The following KCNA4 variants were observed in gnomAD, a reference collection of about 807,000 sequenced individuals.
KCNA4 encodes cardiac potassium channel.
A neutral mutation model predicts 37.2 loss-of-function variants in KCNA4; 5 were observed. The ratio of observed to expected loss-of-function variants is 0.13; its 90% CI spans 0.07 to 0.28. The LOEUF (loss-of-function observed/expected upper bound fraction) is 0.28. Ranked by LOEUF, KCNA4 falls within the 10% of genes least tolerant of loss-of-function variation. The pLI, the probability that KCNA4 is intolerant of heterozygous loss-of-function variation, is 1.00. For missense variants in KCNA4, 634 were observed against 817.4 expected, an observed-to-expected ratio of 0.78 and a Z score of 2.74; for synonymous variants, 350 against 311.8, an observed-to-expected ratio of 1.12 and a Z score of -1.29.
Position 30,011,317 on chromosome 11 carries a change from G to T in KCNA4, c.1362C>A (p.Ile454=). 6.2e-7 allele frequency: 1 copy of T among 1,614,158 alleles called. No individual in the cohort carries two copies. The highest frequency in any genetic ancestry group is 1.7e-5 in the Admixed American group (1 of 60,022). ...RIIRLVRVFR[I]FKLSRHSKGL... is the part of the protein sequence containing the mutation. ...CTTTGGAGTGCCTGGAGAGTTTGAA[G>T]ATCCGGAATACTCGGACCAGACGAA... The change falls in exon 2 of 2, where the codon ATC becomes ATA. Residue 454 remains isoleucine, a synonymous_variant. Coordinates refer to ENST00000328224, the MANE Select transcript of KCNA4 (RefSeq NM_002233.4). The surrounding 1 kb of genome is among the most constrained non-coding windows in gnomAD (Gnocchi z 5.6).
Position 30,011,440 on chromosome 11 carries a change from C to G in KCNA4, c.1239G>C (p.Leu413Phe). 1 of 1,614,034 alleles carries G rather than the reference C, an allele frequency of 6.2e-7. No homozygotes were observed. Among genetic ancestry groups the G allele is most frequent in the Non-Finnish European group, 8.5e-7 (1 of 1,179,992 alleles). The change falls in exon 2 of 2, where the codon TTG becomes TTC. Residue 413 changes from leucine to phenylalanine, a missense_variant. By Grantham distance (22) the Leu-to-Phe change is conservative. This residue lies in a region of KCNA4 where 252 missense variants were observed against 344.2 expected (regional missense o/e 0.73). Coordinates refer to ENST00000328224, the MANE Select transcript of KCNA4 (RefSeq NM_002233.4). The surrounding 1 kb of genome is among the most constrained non-coding windows in gnomAD (Gnocchi z 5.6). The stretch of plus-strand genomic sequence containing the variant: ...CAGTGCCCAGTGTGATGAAGTAAGG[C>G]AAAATGGAGACAATGTCAATGATGT... Reference protein sequence around the residue: ...IMNIIDIVSILPYFITLGTDL... With the variant: ...IMNIIDIVSIFPYFITLGTDL...
At position 30,012,571 on chromosome 11, in the gene KCNA4, G is replaced by A; in HGVS notation, c.108C>T (p.Ser36=). The A allele has an allele frequency of 6.2e-7, 1 of 1,607,334 alleles. No individual in the cohort carries two copies. The highest frequency in any genetic ancestry group is 8.5e-7 in the Non-Finnish European group (1 of 1,179,890). ...CAACAGCAGCTGCTGCAGCTGCCCT[G>A]GAGTGAGCAAGCCTCTCCCGCTCCC... ...RARERERLAH[S]RAAAAAAVAA... is the part of the protein sequence containing the mutation. Residue 36 remains serine (S), a synonymous_variant, in exon 2 of 2, where the codon TCC becomes TCT. Coordinates refer to ENST00000328224, the MANE Select transcript of KCNA4 (RefSeq NM_002233.4).
In KCNA4 at chr11:30,012,589, C is replaced by T. The variant is rs1850317334; in HGVS notation, c.90G>A (p.Arg30=). The T allele has an allele frequency of 1.9e-6, 3 of 1,607,936 alleles. No individual in the cohort carries two copies. In the African/African-American group the frequency reaches 4.0e-5, roughly 21 times the overall value. The change falls in exon 2 of 2, where the codon CGG becomes CGA. Residue 30 remains arginine, a synonymous_variant. Transcript: ENST00000328224. ...GYAAQARARE[R]ERLAHSRAAA... ...CTGCCCTGGAGTGAGCAAGCCTCTC[C>T]CGCTCCCGGGCCCGGGCCTGGGCAG...
At chr11:30,015,705 C>A (rs1445346173) in intron 1 of KCNA4, among the ~76,000 whole-genome samples, 1 of 152,114 alleles carries the variant, frequency 6.6e-6, no homozygotes, top group Non-Finnish European at 1.5e-5. Context: ...TTCCTCCCAG[C>A]AAATCAGACT....
In KCNA4 at chr11:30,012,348, T is replaced by C; in HGVS notation, c.331A>G (p.Ser111Gly). 6.2e-7 allele frequency: 1 copy of C among 1,614,146 alleles called. No individual in the cohort carries two copies. The highest frequency in any genetic ancestry group is 8.5e-7 in the Non-Finnish European group (1 of 1,180,016). The change falls in exon 2 of 2, where the codon AGT becomes GGT. Residue 111 changes from serine to glycine, a missense_variant. Coordinates refer to ENST00000328224, the MANE Select transcript of KCNA4 (RefSeq NM_002233.4). ...CTCAGGATCTTCTCCTCAGAGCCAC[T>C]GGGCATCAGGTCAGAGCAATGAGGG... ...SFPHCSDLMP[S>G]GSEEKILREL... is the part of the protein sequence containing the mutation.
Position 30,011,045 on chromosome 11 carries a change from G to A in KCNA4, c.1634C>T (p.Ala545Val), listed in dbSNP as rs1453579867. ...VGGKIVGSLCAIAGVLTIALP... is the reference protein window; with the variant it reads ...VGGKIVGSLCVIAGVLTIALP... ...AGCAATGGTTAAGACACCCGCAATG[G>A]CACACAGGGACCCGACAATCTTGCC... The change falls in exon 2 of 2, where the codon GCC becomes GTC. Residue 545 changes from alanine to valine, a missense_variant. Physicochemically the swap from Ala to Val is moderately conservative, Grantham distance 64. Transcript: ENST00000328224. The surrounding 1 kb of genome is among the most constrained non-coding windows in gnomAD (Gnocchi z 5.6). The A allele has an allele frequency of 6.2e-7, 1 of 1,614,164 alleles. No individual in the cohort carries two copies. Among genetic ancestry groups the A allele is most frequent in the Non-Finnish European group, 8.5e-7 (1 of 1,180,026 alleles).
chr11:30,012,116 T>A lies in KCNA4; in HGVS notation c.563A>T (p.Glu188Val). The change falls in exon 2 of 2, where the codon GAG (glutamate) becomes GTG (valine). Residue 188 changes from glutamate to valine, a missense_variant. Physicochemically the swap from Glu to Val is moderately radical, Grantham distance 121. This residue lies in a region of KCNA4 where 252 missense variants were observed against 344.2 expected (regional missense o/e 0.73). Transcript: ENST00000328224. ...VVINVSGLRF[E>V]TQMKTLAQFP... Reference sequence around the variant, plus strand: ...CTGGGCCAGAGTTTTCATTTGGGTCTCAAAGCGTAGGCCTGACACATTTAT... The same window carrying A: ...CTGGGCCAGAGTTTTCATTTGGGTCACAAAGCGTAGGCCTGACACATTTAT... 1 of 1,614,174 alleles carries A rather than the reference T, an allele frequency of 6.2e-7. No individual in the cohort carries two copies. The highest frequency in any genetic ancestry group is 8.5e-7 in the Non-Finnish European group (1 of 1,180,034).
rs1183551288 is a variant in KCNA4, at chr11:30,012,968, C to A, written c.-290G>T. The A allele has an allele frequency of 3.2e-6, 1 of 314,540 alleles. No homozygotes were observed. The highest frequency in any genetic ancestry group is 6.1e-6 in the Non-Finnish European group (1 of 165,254). The allele number at this position is 314,540 out of a possible 1,614,324, so 19.5% of individuals were successfully genotyped here. On this transcript the variant is annotated 5_prime_UTR_variant, in exon 2 of 2. Coordinates refer to ENST00000328224, the MANE Select transcript of KCNA4 (RefSeq NM_002233.4). Reference sequence around the variant, plus strand: ...CGAAAATGCTGGAGTCTCTCAGACACCTATGTTTTGGGGGTAGATGTTGAA... The same window carrying A: ...CGAAAATGCTGGAGTCTCTCAGACAACTATGTTTTGGGGGTAGATGTTGAA...
At position 30,010,118 on chromosome 11, in the gene KCNA4, C is replaced by T. The variant is rs1216315641; in HGVS notation, c.*599G>A. On this transcript the variant is annotated 3_prime_UTR_variant, in exon 2 of 2. Coordinates refer to ENST00000328224, the MANE Select transcript of KCNA4 (RefSeq NM_002233.4). The stretch of plus-strand genomic sequence containing the variant: ...AATCAATTTCTAAAGGCCCTTGCAG[C>T]CTTTTTAAAAGTTAATTTCCAGTTA... 1 of 152,118 alleles carries T rather than the reference C, an allele frequency of 6.6e-6. No homozygotes were observed. Among genetic ancestry groups the T allele is most frequent in the Non-Finnish European group, 1.5e-5 (1 of 68,032 alleles). 9.4% of individuals were successfully genotyped at this position (152,118 alleles called of 1,614,324 possible). A position where few individuals can be genotyped will look rare whatever the true frequency, so the allele number is the denominator to read the frequency against.
chr11:30,010,841 T>A lies in KCNA4; in HGVS notation c.1838A>T (p.Glu613Val). 3.7e-6 allele frequency: 6 copies of A among 1,614,192 alleles called. No individual in the cohort carries two copies. The highest frequency in any genetic ancestry group is 5.1e-6 in the Non-Finnish European group (6 of 1,180,026). The change falls in exon 2 of 2, where the codon GAG (glutamate) becomes GTG (valine). Residue 613 changes from glutamate to valine, a missense_variant. This residue lies in a region of KCNA4 where 91 missense variants were observed against 95.8 expected (regional missense o/e 0.95). Coordinates refer to ENST00000328224, the MANE Select transcript of KCNA4 (RefSeq NM_002233.4). ...AGATTCCTTAACTCCTTCTTCCATC[T>A]CTAGATACTCTGACTTGTCCCCCAG... Reference protein sequence around the residue: ...SSLGDKSEYLEMEEGVKESLC... With the variant: ...SSLGDKSEYLVMEEGVKESLC...
intron 1 of KCNA4, among the ~76,000 whole-genome samples, chr11:30,015,945 C>G (rs974084368): frequency 4.0e-5 from 6 of 151,878 alleles, no homozygotes; most frequent in Admixed American, 3.9e-4. Context: ...CAAGGCTGTT[C>G]GTCTCTCAGT....
chr11:30,011,580 A>T lies in KCNA4; in HGVS notation c.1099T>A (p.Phe367Ile). ...PHLENSGHTI[F>I]NDPFFIVETV... Reference sequence around the variant, plus strand: ...TCCACGATGAAGAAGGGGTCATTGAATATTGTGTGCCCTGAGTTCTCCAGA... The same window carrying T: ...TCCACGATGAAGAAGGGGTCATTGATTATTGTGTGCCCTGAGTTCTCCAGA... Residue 367 changes from phenylalanine (F) to isoleucine (I), a missense_variant, in exon 2 of 2, where the codon TTC (phenylalanine) becomes ATC (isoleucine). Transcript: ENST00000328224. This position sits in a 1 kb window ranked among gnomAD's most constrained non-coding sequence, Gnocchi z 5.6. 2 of 1,614,134 alleles carry T rather than the reference A, an allele frequency of 1.2e-6. No homozygotes were observed. Among genetic ancestry groups the T allele is most frequent in the Non-Finnish European group, 1.7e-6 (2 of 1,180,016 alleles).
chr11:30,011,673 T>C lies in KCNA4; in HGVS notation c.1006A>G (p.Arg336Gly). 6.2e-7 allele frequency: 1 copy of C among 1,614,168 alleles called. No homozygotes were observed. Among genetic ancestry groups the C allele is most frequent in the Non-Finnish European group, 8.5e-7 (1 of 1,180,040 alleles). ...LETLPEFRDD[R>G]DLVMALSAGG... ...GCACTCAGTGCCATGACGAGATCCC[T>C]GTCGTCCCTAAACTCAGGCAAGGTT... Residue 336 changes from arginine to glycine, a missense_variant, in exon 2 of 2, where the codon AGG becomes GGG. Transcript: ENST00000328224. The surrounding 1 kb of genome is among the most constrained non-coding windows in gnomAD (Gnocchi z 5.6).
rs765835735 is a variant in KCNA4 at position 30,011,585 on chromosome 11, G to C, written c.1094C>G (p.Thr365Arg). 14 of 1,613,948 alleles carry C rather than the reference G, an allele frequency of 8.7e-6. No homozygotes were observed. Among genetic ancestry groups the C allele is most frequent in the Non-Finnish European group, 1.2e-5 (14 of 1,180,004 alleles). Residue 365 changes from threonine (T) to arginine (R), a missense_variant, in exon 2 of 2, where the codon ACA becomes AGA. This residue lies in a region of KCNA4 where 252 missense variants were observed against 344.2 expected (regional missense o/e 0.73). Coordinates refer to ENST00000328224, the MANE Select transcript of KCNA4 (RefSeq NM_002233.4). This position sits in a 1 kb window ranked among gnomAD's most constrained non-coding sequence, Gnocchi z 5.6. ...GATGAAGAAGGGGTCATTGAATATT[G>C]TGTGCCCTGAGTTCTCCAGATGGGG... ...SAPHLENSGHTIFNDPFFIVE... is the reference protein window; with the variant it reads ...SAPHLENSGHRIFNDPFFIVE...
chr11:30,015,717 G>T (rs1343583243), intron 1 of KCNA4, among the ~76,000 whole-genome samples: 1 of 152,092 alleles, frequency 6.6e-6, no homozygotes, highest in South Asian at 2.1e-4. Flanking sequence ...AATCAGACTG[G>T]TTTAAAATCT....
chr11:30,015,709 T>C (rs1250013100), intron 1 of KCNA4, among the ~76,000 whole-genome samples: 2 of 152,014 alleles, frequency 1.3e-5, no homozygotes, highest in Non-Finnish European at 2.9e-5. Context: ...TCCCAGCAAA[T>C]CAGACTGGTT....
intron 1 of KCNA4, among the ~76,000 whole-genome samples, chr11:30,015,213 G>T (rs1419658676): frequency 1.3e-5 from 2 of 152,118 alleles, no homozygotes; most frequent in African/African-American, 4.8e-5. Flanking sequence ...TTACCCTCAA[G>T]GAGTTTCCAA....
Position 30,010,860 on chromosome 11 carries a change from C to T in KCNA4, c.1819G>A (p.Asp607Asn), listed in dbSNP as rs757024934. Residue 607 changes from aspartate to asparagine, a missense_variant, in exon 2 of 2, where the codon GAC becomes AAC. Around this residue, in one of 8 missense-constraint regions of KCNA4, gnomAD observed 91 missense variants for 95.8 expected, o/e 0.95. Transcript: ENST00000328224. Reference protein sequence around the residue: ...FRSSTSSSLGDKSEYLEMEEG... With the variant: ...FRSSTSSSLGNKSEYLEMEEG... Reference sequence around the variant, plus strand: ...TCCATCTCTAGATACTCTGACTTGTCCCCCAGGGAAGAAGAAGTAGAGCTC... The same window carrying T: ...TCCATCTCTAGATACTCTGACTTGTTCCCCAGGGAAGAAGAAGTAGAGCTC... 5 of 1,614,150 alleles carry T rather than the reference C, an allele frequency of 3.1e-6. No individual in the cohort carries two copies. Among genetic ancestry groups the T allele is most frequent in the Non-Finnish European group, 8.5e-7 (1 of 1,180,026 alleles).
rs760221078 is a variant in KCNA4 at position 30,009,985 on chromosome 11, C to A, written c.*732G>T. The A allele has an allele frequency of 3.9e-5, 6 of 152,056 alleles. No individual in the cohort carries two copies. The highest frequency in any genetic ancestry group is 1.3e-4 in the Admixed American group (2 of 15,254). The allele number at this position is 152,056 out of a possible 1,614,324, so 9.4% of individuals were successfully genotyped here. ...TAAAGTAGTGCAAAGAAAAAAAAAT[C>A]CAGTCCTGTTACCTGCAAACAAAAC... On this transcript the variant is annotated 3_prime_UTR_variant, in exon 2 of 2. Coordinates refer to ENST00000328224, the MANE Select transcript of KCNA4 (RefSeq NM_002233.4).
Sources: allele counts gnomAD v4.1 joint callset (sites outside exome capture counted in the v4.1 genomes callset), GRCh38; gene constraint gnomAD v4.1.1; regional missense constraint gnomAD v4.1.1; non-coding constraint Gnocchi (gnomAD v3.1); transcripts MANE v1.5; gene names NCBI Gene and HGNC (gene_info 2026-07-23, HGNC 2026-07-21).